Variants in RXRA observed in about 807,000 individuals in gnomAD.
RXRA encodes retinoic acid receptor RXR-alpha.
In RXRA, 5 loss-of-function variants were observed where a neutral mutation model predicts 44.5. The ratio of observed to expected loss-of-function variants is 0.11; its 90% confidence interval spans 0.06 to 0.24. The LOEUF (loss-of-function observed/expected upper bound fraction) is 0.24, where lower values mean the gene tolerates loss of function less well. RXRA is among the 10% of genes least tolerant of loss of function. The pLI is 1.00. For missense variants in RXRA, 412 were observed against 646.5 expected (o/e 0.64, Z 3.93); for synonymous variants, 291 against 271.4 (o/e 1.07, Z -0.71).
chr9:134,370,366 C>T (rs1157964504), intron 1 of RXRA, among the ~76,000 whole-genome samples: 2 of 152,220 alleles, frequency 1.3e-5, no homozygotes, highest in East Asian at 3.9e-4. Context: ...TCAGGCCTCC[C>T]TGCCCGGCTG....
At chr9:134,337,836 C>T (rs1272401321) in intron 1 of RXRA, among the ~76,000 whole-genome samples, 5 of 152,204 alleles carry the variant, frequency 3.3e-5, no homozygotes, top group South Asian at 2.1e-4. Flanking sequence ...TGGATGTCCT[C>T]GGAGCAGACG....
chr9:134,380,347 C>T (rs369517102), intron 1 of RXRA, among the ~76,000 whole-genome samples: 1 of 152,112 alleles, frequency 6.6e-6, no homozygotes, highest in Admixed American at 6.5e-5. Flanking sequence ...CCGGGTTCTC[C>T]TGGAGAACCT....
In RXRA at chr9:134,349,099, G is replaced by A. The variant is rs1045026391; in HGVS notation, c.28+22440G>A. On this transcript the variant is annotated intron_variant, in intron 1 of 9. Transcript: ENST00000481739. This position sits in a 1 kb window ranked among gnomAD's most constrained non-coding sequence, Gnocchi z 4.3. ...TACGCTGCTTCCCGGGAGGGGACTTGTGCTGTCCCTGAACTCACCGAGGGC... is the reference window on the plus strand; with the variant it reads ...TACGCTGCTTCCCGGGAGGGGACTTATGCTGTCCCTGAACTCACCGAGGGC... Among the ~76,000 whole-genome samples the A allele has an allele frequency of 6.2e-4, 95 of 152,328 alleles. 1 individual carries two copies. Among genetic ancestry groups the A allele is most frequent in the East Asian group, 1.9e-4 (1 of 5,184 alleles).
intron 1 of RXRA, 88 bp from the exon 2 acceptor site, chr9:134,401,544 C>CG: frequency 6.3e-7 from 1 of 1,588,830 alleles, no homozygotes; most frequent in Non-Finnish European, 8.5e-7. Flanking sequence ...CCCGCAGGTG[C>CG]GTGCATCTGT....
intron 1 of RXRA, among the ~76,000 whole-genome samples, chr9:134,354,871 C>T (rs1298977809): frequency 6.6e-6 from 1 of 152,258 alleles, no homozygotes. Flanking sequence ...TCCCAGTCCC[C>T]TAAGAGCCAG....
intron 6 of RXRA, chr9:134,423,426 A>T: frequency 1.0e-6 from 1 of 985,428 alleles, no homozygotes; most frequent in Non-Finnish European, 1.2e-6. Context: ...TGGCAAGTGG[A>T]GAAGACACAG....
At chr9:134,339,440 T>C (rs1830055172) in intron 1 of RXRA, among the ~76,000 whole-genome samples, 1 of 151,520 alleles carries the variant, frequency 6.6e-6, no homozygotes, top group Non-Finnish European at 1.5e-5. Context: ...GTGCCATGCC[T>C]GTGTGAGTGT....
rs1298734636 is a variant in RXRA, at chr9:134,417,527, G to T, written c.780+200G>T. Reference sequence around the variant, plus strand: ...AGCTGGGCGGCACTCTCCTCTCCTGGCCCATGCACGAGTAGCCCATGGGGC... The same window carrying T: ...AGCTGGGCGGCACTCTCCTCTCCTGTCCCATGCACGAGTAGCCCATGGGGC... On this transcript the variant is annotated intron_variant, in intron 5 of 9. Transcript: ENST00000481739. The surrounding 1 kb of genome is among the most constrained non-coding windows in gnomAD (Gnocchi z 6.1). Among the ~76,000 whole-genome samples the T allele has an allele frequency of 1.3e-5, 2 of 152,202 alleles. No individual in the cohort carries two copies. The highest frequency in any genetic ancestry group is 3.9e-4 in the East Asian group (2 of 5,148).
intron 1 of RXRA, among the ~76,000 whole-genome samples, chr9:134,385,495 C>G (rs1286830748): frequency 6.6e-6 from 1 of 152,232 alleles, no homozygotes; most frequent in Non-Finnish European, 1.5e-5. Flanking sequence ...TGCTTGTTTC[C>G]TCCACTCGGG....
Position 134,436,605 on chromosome 9 carries a change from A to T in RXRA, c.1380A>T (p.Gln460His). 1 of 1,613,914 alleles carries T rather than the reference A, an allele frequency of 6.2e-7. No homozygotes were observed. Among genetic ancestry groups the T allele is most frequent in the Non-Finnish European group, 8.5e-7 (1 of 1,180,008 alleles). The stretch of plus-strand genomic sequence containing the variant: ...TGGAGATGCTGGAGGCGCCGCACCA[A>T]ATGACTTAGGCCTGCGGGCCCATCC... ...FLMEMLEAPH[Q>H]MT Residue 460 changes from glutamine (Q) to histidine (H), a missense_variant, in exon 10 of 10, where the codon CAA (glutamine) becomes CAT (histidine). This residue lies in a region of RXRA where 141 missense variants were observed against 270.8 expected (regional missense o/e 0.52). Coordinates refer to ENST00000481739, the MANE Select transcript of RXRA (RefSeq NM_002957.6).
At chr9:134,421,997 C>CT (rs1326594001) in intron 6 of RXRA, 192 bp downstream of exon 6, 1 of 1,477,682 alleles carries the variant, frequency 6.8e-7, no homozygotes, top group African/African-American at 1.4e-5. Flanking sequence ...TCCCGGGACA[C>CT]TCCCCCTTCC....
chr9:134,377,901 C>A (rs1176824250), intron 1 of RXRA, among the ~76,000 whole-genome samples: 3 of 152,334 alleles, frequency 2.0e-5, no homozygotes, highest in Admixed American at 2.0e-4. Flanking sequence ...TGAGTGGGGA[C>A]CCTCCTGCTC....
Position 134,408,200 on chromosome 9 carries a change from C to T in RXRA, c.331C>T (p.Leu111=). 6.2e-7 allele frequency: 1 copy of T among 1,608,068 alleles called. No individual in the cohort carries two copies. The highest frequency in any genetic ancestry group is 8.5e-7 in the Non-Finnish European group (1 of 1,177,110). Residue 111 remains leucine (L), a synonymous_variant, in exon 3 of 10, where the codon CTG becomes TTG. Coordinates refer to ENST00000481739, the MANE Select transcript of RXRA (RefSeq NM_002957.6). ...VSSSEDIKPP[L]GLNGVLKVPA... is the part of the protein sequence containing the mutation. The stretch of plus-strand genomic sequence containing the variant: ...CAGCAGCGAGGACATCAAGCCCCCC[C>T]TGGGCCTCAATGGCGTCCTCAAGGT...
At chr9:134,332,646 G>A (rs1183363778) in intron 1 of RXRA, among the ~76,000 whole-genome samples, 5 of 152,148 alleles carry the variant, frequency 3.3e-5, no homozygotes, top group Non-Finnish European at 5.9e-5. Flanking sequence ...CGTGTGAGGT[G>A]AGGCTGGGTA....
intron 1 of RXRA, among the ~76,000 whole-genome samples, chr9:134,364,959 C>G (rs545179293): frequency 2.6e-5 from 4 of 152,350 alleles, no homozygotes; most frequent in African/African-American, 9.6e-5. Flanking sequence ...GGGTCCCTCC[C>G]CTTCTGCTTA....
At chr9:134,436,124 G>T (rs1007654059) in intron 9 of RXRA, among the ~76,000 whole-genome samples, 5 of 152,364 alleles carry the variant, frequency 3.3e-5, no homozygotes, top group South Asian at 2.1e-4. Context: ...GAGATTACAA[G>T]TGTGAGCCAT....
chr9:134,398,922 G>A (rs11103633), intron 1 of RXRA, among the ~76,000 whole-genome samples: 4,270 of 152,342 alleles, frequency 0.028, 61 homozygotes, highest in East Asian at 0.061. Context: ...GCTACCTGGT[G>A]GAGATGGCTG....
intron 2 of RXRA, chr9:134,402,891 TG>T (rs5901037): frequency 0.54 from 81,725 of 151,892 alleles, 24,445 homozygotes; most frequent in East Asian, 0.77. Context: ...AGAGTTTTGG[TG>T]CCATCTCAGG....
chr9:134,376,456 C>T (rs940914123), intron 1 of RXRA, among the ~76,000 whole-genome samples: 4 of 152,234 alleles, frequency 2.6e-5, no homozygotes, highest in African/African-American at 9.6e-5. Flanking sequence ...CACTGCTGCC[C>T]TGTCCTACCG....
Sources: allele counts gnomAD v4.1 joint callset (sites outside exome capture counted in the v4.1 genomes callset), GRCh38; gene constraint gnomAD v4.1.1; regional missense constraint gnomAD v4.1.1; non-coding constraint Gnocchi (gnomAD v3.1); transcripts MANE v1.5; gene names NCBI Gene and HGNC (gene_info 2026-07-23, HGNC 2026-07-21).